The following CHD1L variants were observed in gnomAD, a reference collection of about 807,000 sequenced individuals.
CHD1L encodes the protein chromodomain helicase DNA binding protein 1 like, also known as ATP-dependent chromatin remodeler CHD1L.
CHD1L carries 118 observed loss-of-function variants against 115.9 expected under a neutral mutation model. The observed-to-expected ratio is 1.02, with a 90% confidence interval of 0.88 to 1.19. The LOEUF (loss-of-function observed/expected upper bound fraction) is 1.19. Ranked by LOEUF, CHD1L falls within the 50% of genes most tolerant of loss-of-function variation. The pLI is 0.00. For synonymous variants in CHD1L, 411 were observed against 387.1 expected (o/e 1.06, Z -0.72); for missense variants, 1,179 against 1,065.3 (o/e 1.11, Z -1.49).
chr1:147,231,455 G>T, the CHD1L span, among the ~76,000 whole-genome samples: 1 of 152,134 alleles, frequency 6.6e-6, no homozygotes, highest in Non-Finnish European at 1.5e-5. Context: ...AATAGGTGTG[G>T]TGTGGTGCTG....
At chr1:147,215,924 T>G in the CHD1L span, 2 of 1,605,986 alleles carry the variant, frequency 1.2e-6, no homozygotes, top group South Asian at 1.1e-5. Flanking sequence ...ATACTGGCCC[T>G]TCCTTCTTCA....
chr1:147,263,445 A>AAG (rs1672706478), intron 6 of CHD1L, among the ~76,000 whole-genome samples: 1 of 150,294 alleles, frequency 6.7e-6, no homozygotes, highest in African/African-American at 2.4e-5. Flanking sequence ...AAAAAAAAAA[A>AAG]GATATACATA....
chr1:147,203,582 G>A, the CHD1L span: 1 of 1,053,580 alleles, frequency 9.5e-7, no homozygotes, highest in Non-Finnish European at 1.5e-6. Flanking sequence ...TTCTGCCAGT[G>A]CACGGGGAAT....
At chr1:147,207,486 A>C in the CHD1L span, among the ~76,000 whole-genome samples, 1 of 152,216 alleles carries the variant, frequency 6.6e-6, no homozygotes, top group African/African-American at 2.4e-5. Context: ...TTGTACTTTC[A>C]TAACACTGTA....
intron 22 of CHD1L, 55 bp downstream of exon 22, chr1:147,294,572 T>C (rs1388663978): frequency 4.3e-6 from 6 of 1,388,074 alleles, no homozygotes; most frequent in Non-Finnish European, 6.0e-6. Flanking sequence ...GGAAAATGTG[T>C]TCATTTTCTG....
chr1:147,225,185 G>A, the CHD1L span: 2 of 1,472,704 alleles, frequency 1.4e-6, no homozygotes, highest in Non-Finnish European at 1.8e-6. Context: ...GGACAGATTC[G>A]ACGGTCCTCT....
the CHD1L span, chr1:147,203,245 C>A: frequency 8.2e-7 from 1 of 1,215,688 alleles, no homozygotes; most frequent in Admixed American, 1.8e-5. Context: ...CAAATACAGC[C>A]TTCACCTACA....
Position 147,286,311 on chromosome 1 carries a change from G to A in CHD1L, c.2032G>A (p.Glu678Lys). 6.2e-7 allele frequency: 1 copy of A among 1,613,950 alleles called. No individual in the cohort carries two copies. Among genetic ancestry groups the A allele is most frequent in the South Asian group, 1.1e-5 (1 of 91,060 alleles). ...AEHKKKMAWWESNNYQSFCLP... is the reference protein window; with the variant it reads ...AEHKKKMAWWKSNNYQSFCLP... ...GGCCTGCTAAAGGATGGCCTGGTGG[G>A]AATCCAACAATTACCAGTCCTTCTG... The change falls in exon 18 of 23, where the codon GAA becomes AAA. Residue 678 changes from glutamate (E) to lysine (K), a missense_variant. Coordinates refer to ENST00000369258, the MANE Select transcript of CHD1L (RefSeq NM_004284.6).
chr1:147,213,284 C>T, the CHD1L span: 1 of 1,587,180 alleles, frequency 6.3e-7, no homozygotes, highest in Admixed American at 1.7e-5. Context: ...GGTCAAGGGT[C>T]TTCCTTCCTG....
chr1:147,287,599 C>T (rs1454756012), intron 18 of CHD1L, 36 bp from the exon 19 acceptor site: 1 of 1,514,868 alleles, frequency 6.6e-7, no homozygotes, highest in African/African-American at 1.4e-5. Context: ...TGGACTTCAC[C>T]TCCTATAGAT....
At chr1:147,178,639 A>G in the CHD1L span, 2 of 1,589,046 alleles carry the variant, frequency 1.3e-6, no homozygotes, top group African/African-American at 1.3e-5. Context: ...AAAAGCAGCC[A>G]GCAACTTGAG....
the CHD1L span, chr1:147,187,030 G>A: frequency 6.2e-7 from 1 of 1,614,116 alleles, no homozygotes; most frequent in Non-Finnish European, 8.5e-7. Context: ...GCGATCATCT[G>A]TGGTGAGGAT....
intron 1 of CHD1L, among the ~76,000 whole-genome samples, chr1:147,252,373 A>T (rs1668673367): frequency 6.6e-6 from 1 of 152,212 alleles, no homozygotes; most frequent in Admixed American, 6.5e-5. Context: ...TTTCTCATTT[A>T]TCAAGTGAAT....
the CHD1L span, chr1:147,224,367 A>T: frequency 8.6e-4 from 139 of 161,928 alleles, no homozygotes; most frequent in Non-Finnish European, 1.4e-3. Flanking sequence ...TACACTGCTG[A>T]ATTTTCTGTA....
chr1:147,259,951 A>G (rs1400562061), intron 6 of CHD1L, 33 bp downstream of exon 6: 1 of 1,475,824 alleles, frequency 6.8e-7, no homozygotes, highest in African/African-American at 1.4e-5. Context: ...GTTTTTATAT[A>G]ACCCCTTCTT....
rs1571716021 is a variant in CHD1L at position 147,256,047 on chromosome 1, C to T, written c.462+120C>T. ...CACACTTTTCTGGGCAGGGAGTCTACCTTCATCAGATTCTCAAAAGAGGGC... is the reference window on the plus strand; with the variant it reads ...CACACTTTTCTGGGCAGGGAGTCTATCTTCATCAGATTCTCAAAAGAGGGC... On this transcript the variant is annotated intron_variant, in intron 4 of 22. Coordinates refer to ENST00000369258, the MANE Select transcript of CHD1L (RefSeq NM_004284.6). 3 of 568,890 alleles carry T rather than the reference C, an allele frequency of 5.3e-6. No homozygotes were observed. In the East Asian group the frequency reaches 8.9e-5, roughly 17 times the overall value. The allele number at this position is 568,890 out of a possible 1,614,324, so 35.2% of individuals were successfully genotyped here. A position where few individuals can be genotyped will look rare whatever the true frequency, so the allele number is the denominator to read the frequency against.
Position 147,267,427 on chromosome 1 carries a change from T to C in CHD1L, c.897T>C (p.Asp299=). Residue 299 remains aspartate (D), a splice_region_variant and synonymous_variant, in exon 9 of 23, where the codon GAT becomes GAC. Transcript: ENST00000369258. ...TCTCTCTTTTTTTTTAAATTTCAGA[T>C]GCATTTGAAAATGAGACGGCAAAGA... ...YYKAILMKDL[D]AFENETAKKV... 6.2e-7 allele frequency: 1 copy of C among 1,610,404 alleles called. No individual in the cohort carries two copies. Among genetic ancestry groups the C allele is most frequent in the East Asian group, 2.2e-5 (1 of 44,836 alleles).
chr1:147,272,106 T>C (rs1450299381), intron 11 of CHD1L, 65 bp from the exon 12 acceptor site: 1 of 1,424,594 alleles, frequency 7.0e-7, no homozygotes, highest in African/African-American at 1.4e-5. Context: ...TTGGGCTTAA[T>C]TTTTTATTCC....
intron 20 of CHD1L, among the ~76,000 whole-genome samples, chr1:147,292,590 C>T (rs587650514): frequency 1.3e-5 from 2 of 152,342 alleles, no homozygotes; most frequent in South Asian, 2.1e-4. Context: ...GATTTATTTG[C>T]TCATGCTTCT....
Sources: allele counts gnomAD v4.1 joint callset (sites outside exome capture counted in the v4.1 genomes callset), GRCh38; gene constraint gnomAD v4.1.1; transcripts MANE v1.5; gene names NCBI Gene and HGNC (gene_info 2026-07-23, HGNC 2026-07-21).